The following DLGAP3 variants were observed in gnomAD, a reference collection of about 807,000 sequenced individuals.
DLGAP3 encodes the protein disks large-associated protein 3.
In DLGAP3, 17 loss-of-function variants were observed where a neutral mutation model predicts 81.2. The ratio of observed to expected loss-of-function variants is 0.21; its 90% CI spans 0.14 to 0.31. The LOEUF (loss-of-function observed/expected upper bound fraction) is 0.31, where lower values mean the gene tolerates loss of function less well. Ranked by LOEUF, DLGAP3 falls within the 10% of genes least tolerant of loss-of-function variation. The pLI is 1.00. For missense variants in DLGAP3, 1,124 were observed against 1,388.0 expected (o/e 0.81, Z 3.02); for synonymous variants, 577 against 587.4 (o/e 0.98, Z 0.26).
Position 34,900,116 on chromosome 1 carries a change from C to G in DLGAP3, c.1265G>C (p.Arg422Pro). The change falls in exon 4 of 12, where the codon CGA becomes CCA. Residue 422 changes from arginine (R) to proline (P), a missense_variant. Arg to Pro is a moderately radical substitution (Grantham distance 103). This residue lies in a region of DLGAP3 where 357 missense variants were observed against 408.8 expected (regional missense o/e 0.87). Transcript: ENST00000373347. The surrounding 1 kb of genome is among the most constrained non-coding windows in gnomAD (Gnocchi z 5.6). ...GGAGGAGCGACGGGTGGTGAAGCGTCGGGCGACTGCTTTGGGAGATGTCTT... is the reference window on the plus strand; with the variant it reads ...GGAGGAGCGACGGGTGGTGAAGCGTGGGGCGACTGCTTTGGGAGATGTCTT... ...SPKTSPKAVA[R>P]RFTTRRSSSV... The G allele has an allele frequency of 1.2e-6, 2 of 1,613,954 alleles. No homozygotes were observed. Among genetic ancestry groups the G allele is most frequent in the Non-Finnish European group, 1.7e-6 (2 of 1,180,026 alleles).
At chr1:34,879,299 A>G (rs1639107996) in intron 8 of DLGAP3, among the ~76,000 whole-genome samples, 1 of 152,130 alleles carries the variant, frequency 6.6e-6, no homozygotes, top group Non-Finnish European at 1.5e-5. Flanking sequence ...GTAACGGGAG[A>G]CAGATTATCA....
intron 1 of DLGAP3, among the ~76,000 whole-genome samples, chr1:34,914,836 T>C (rs1003919060): frequency 2.0e-5 from 3 of 152,152 alleles, no homozygotes; most frequent in Non-Finnish European, 4.4e-5. Context: ...GGATCGGAAA[T>C]GGGTGGTCTG....
intron 5 of DLGAP3, among the ~76,000 whole-genome samples, chr1:34,887,302 C>A (rs1405395907): frequency 6.6e-6 from 1 of 152,008 alleles, no homozygotes; most frequent in Non-Finnish European, 1.5e-5. Flanking sequence ...CTGGCTTAAC[C>A]TGTGGGTTCC....
chr1:34,871,994 G>A (rs888049444), intron 8 of DLGAP3, among the ~76,000 whole-genome samples: 1 of 152,118 alleles, frequency 6.6e-6, no homozygotes, highest in Non-Finnish European at 1.5e-5. Context: ...CAAGCAGGAG[G>A]CGCTTATCCC....
At chr1:34,866,676 C>T (rs1371558452) in intron 11 of DLGAP3, among the ~76,000 whole-genome samples, 2 of 152,194 alleles carry the variant, frequency 1.3e-5, no homozygotes, top group Non-Finnish European at 2.9e-5. Flanking sequence ...AGGGACCTGG[C>T]GGCTGAGGGG....
chr1:34,885,503 T>C lies in DLGAP3; in HGVS notation c.1889A>G (p.Lys630Arg). ...EELRSLARQR[K>R]WRPSIGVQVE... is the part of the protein sequence containing the mutation. ...CTGCACCCCAATGGACGGCCGCCAC[T>C]TCCGCTGCCGCGCCAGGCTCCGCAG... Residue 630 changes from lysine (K) to arginine (R), a missense_variant, in exon 7 of 12, where the codon AAG (lysine) becomes AGG (arginine). Around this residue, in one of 9 missense-constraint regions of DLGAP3, gnomAD observed 379 missense variants for 455.7 expected, o/e 0.83. Coordinates refer to ENST00000373347, the MANE Select transcript of DLGAP3 (RefSeq NM_001080418.3). 6.2e-7 allele frequency: 1 copy of C among 1,608,858 alleles called. No individual in the cohort carries two copies. Among genetic ancestry groups the C allele is most frequent in the Non-Finnish European group, 8.5e-7 (1 of 1,179,816 alleles).
Position 34,918,422 on chromosome 1 carries a change from T to C in DLGAP3, c.-134-10985A>G, listed in dbSNP as rs115212578. Among the ~76,000 whole-genome samples the C allele has an allele frequency of 6.7e-3, 1,018 of 152,284 alleles. 11 individuals are homozygous for C. The highest frequency in any genetic ancestry group is 0.021 in the African/African-American group (878 of 41,564). On this transcript the variant is annotated intron_variant, in intron 1 of 11. Transcript: ENST00000373347. Reference sequence around the variant, plus strand: ...TCTCAGCCAGGCCTTGGCCCACCCCTGCCTCACTGAGAACAGACTCAGCCT... The same window carrying C: ...TCTCAGCCAGGCCTTGGCCCACCCCCGCCTCACTGAGAACAGACTCAGCCT...
chr1:34,914,622 T>C (rs1008592662), intron 1 of DLGAP3, among the ~76,000 whole-genome samples: 3 of 152,192 alleles, frequency 2.0e-5, no homozygotes, highest in African/African-American at 7.2e-5. Context: ...TTTCCCCATT[T>C]TCAAATGGGA....
intron 8 of DLGAP3, among the ~76,000 whole-genome samples, chr1:34,883,700 G>A (rs1027672603): frequency 2.0e-5 from 3 of 150,636 alleles, no homozygotes; most frequent in Non-Finnish European, 2.9e-5. Flanking sequence ...TGCCACCCTC[G>A]ATGAAGGCAT....
intron 8 of DLGAP3, among the ~76,000 whole-genome samples, chr1:34,875,315 G>A (rs1437144916): frequency 6.6e-6 from 1 of 152,160 alleles, no homozygotes; most frequent in Non-Finnish European, 1.5e-5. Flanking sequence ...GCACAAGCAG[G>A]TATGAGTAGG....
intron 7 of DLGAP3, 147 bp downstream of exon 7, chr1:34,885,331 C>A: frequency 1.1e-6 from 1 of 935,196 alleles, no homozygotes. Context: ...CTGGAGCAGC[C>A]CCGTCGATGT....
Position 34,900,961 on chromosome 1 carries a change from C to T in DLGAP3, c.1108-688G>A, listed in dbSNP as rs559372098. Among the ~76,000 whole-genome samples, 3 of 150,188 alleles carry T rather than the reference C, an allele frequency of 2.0e-5. No individual in the cohort carries two copies. The highest frequency in any genetic ancestry group is 3.0e-5 in the Non-Finnish European group (2 of 67,648). On this transcript the variant is annotated intron_variant, in intron 3 of 11. Transcript: ENST00000373347. This position sits in a 1 kb window ranked among gnomAD's most constrained non-coding sequence, Gnocchi z 5.6. ...TGATTAGACGTGGGGGATGAGGGGG[C>T]GGGAGGAGTCGAGGATGACTGCCAG... is the stretch of plus-strand genomic sequence containing the variant.
chr1:34,920,522 C>A (rs572259797), intron 1 of DLGAP3, among the ~76,000 whole-genome samples: 1 of 152,158 alleles, frequency 6.6e-6, no homozygotes, highest in Non-Finnish European at 1.5e-5. Context: ...AAAGTACAAG[C>A]ACATGCATGT....
intron 11 of DLGAP3, 126 bp from the exon 12 acceptor site, chr1:34,866,427 T>A: frequency 1.3e-6 from 1 of 748,856 alleles, no homozygotes; most frequent in Non-Finnish European, 2.1e-6. Context: ...GCGCTCAGAA[T>A]CCGCCACGGA....
At chr1:34,891,901 ACAAAG>A (rs1639316373) in intron 5 of DLGAP3, among the ~76,000 whole-genome samples, 1 of 152,266 alleles carries the variant, frequency 6.6e-6, no homozygotes, top group Non-Finnish European at 1.5e-5. Context: ...GGATTAACAA[ACAAAG>A]CAATAACAAT....
intron 8 of DLGAP3, 118 bp downstream of exon 8, chr1:34,884,858 GGC>G: frequency 1.2e-6 from 1 of 800,074 alleles, no homozygotes; most frequent in Non-Finnish European, 2.2e-6. Context: ...TCTATAAAAA[GGC>G]TTGGTCTCAC....
intron 1 of DLGAP3, among the ~76,000 whole-genome samples, chr1:34,913,824 G>A (rs1639676208): frequency 6.6e-6 from 1 of 152,160 alleles, no homozygotes; most frequent in Admixed American, 6.5e-5. Context: ...GCTTTGGAGA[G>A]TCCTGGAGAA....
Position 34,905,026 on chromosome 1 carries a change from T to C in DLGAP3, c.358A>G (p.Thr120Ala). The C allele has an allele frequency of 1.9e-6, 3 of 1,609,352 alleles. No individual in the cohort carries two copies. Among genetic ancestry groups the C allele is most frequent in the Non-Finnish European group, 2.5e-6 (3 of 1,177,808 alleles). The change falls in exon 3 of 12, where the codon ACA becomes GCA. Residue 120 changes from threonine to alanine, a missense_variant. Thr to Ala is a moderately conservative substitution (Grantham distance 58). Coordinates refer to ENST00000373347, the MANE Select transcript of DLGAP3 (RefSeq NM_001080418.3). ...QGKGAPRLPP[T>A]LLDQFEKQLP... ...TGCTTTTCAAACTGATCCAGGAGTG[T>C]AGGAGGCAGGCGGGGGGCACCCTTG...
At chr1:34,899,890 C>T (rs1239754649) in intron 4 of DLGAP3, 149 bp from the exon 5 acceptor site, 1 of 918,414 alleles carries the variant, frequency 1.1e-6, no homozygotes, top group Non-Finnish European at 1.7e-6. Context: ...AAGAGACTCC[C>T]AAAGAGGCAC....
Sources: allele counts gnomAD v4.1 joint callset (sites outside exome capture counted in the v4.1 genomes callset), GRCh38; gene constraint gnomAD v4.1.1; regional missense constraint gnomAD v4.1.1; non-coding constraint Gnocchi (gnomAD v3.1); transcripts MANE v1.5; gene names NCBI Gene and HGNC (gene_info 2026-07-23, HGNC 2026-07-21).